DOCK1: variants seen among roughly 807,000 people sequenced by gnomAD.
DOCK1 encodes dedicator of cytokinesis protein 1.
A neutral mutation model predicts 262.7 loss-of-function variants in DOCK1; 138 were observed. That is an observed-to-expected ratio of 0.53 (90% CI 0.46 to 0.61). The LOEUF (loss-of-function observed/expected upper bound fraction) is 0.61. Ranked by LOEUF, DOCK1 falls within the 20% of genes least tolerant of loss-of-function variation. The pLI, the probability that DOCK1 is intolerant of heterozygous loss-of-function variation, is 0.00. For missense variants in DOCK1, 1,908 were observed against 2,370.7 expected (o/e 0.80, Z 4.05); for synonymous variants, 866 against 867.4 (o/e 1.00, Z 0.03).
intron 28 of DOCK1, 148 bp from the exon 29 acceptor site, chr10:127,257,187 C>G (rs1324305912): frequency 3.1e-6 from 2 of 643,808 alleles, no homozygotes; most frequent in African/African-American, 3.6e-5. Context: ...GTCTAATTCA[C>G]AGCTCCTATG....
rs764748949 is a variant in DOCK1, at chr10:127,175,897, C to A, written c.2847+48133C>A. On this transcript the variant is annotated intron_variant, in intron 27 of 51. Transcript: ENST00000623213. This position sits in a 1 kb window ranked among gnomAD's most constrained non-coding sequence, Gnocchi z 6.3. ...AAAACCAAGGCTGTGGTCTTGTGCA[C>A]CCGCCCCGCGCCACATGGCCGGGCC... 1.2e-6 allele frequency: 2 copies of A among 1,614,084 alleles called. No individual in the cohort carries two copies. The highest frequency in any genetic ancestry group is 2.7e-5 in the African/African-American group (2 of 74,936).
intron 31 of DOCK1, chr10:127,344,203 T>A (rs1408006139): frequency 6.5e-6 from 1 of 154,712 alleles, no homozygotes; most frequent in Non-Finnish European, 1.4e-5. Flanking sequence ...GGGCAGGAGC[T>A]TTGAATGGAC....
At chr10:127,448,967 T>A (rs746569269) in intron 51 of DOCK1, among the ~76,000 whole-genome samples, 3 of 152,152 alleles carry the variant, frequency 2.0e-5, no homozygotes, top group Non-Finnish European at 4.4e-5. Context: ...ACGTATTTCA[T>A]CATTCCCTTT....
At chr10:127,434,476 C>T in intron 48 of DOCK1, among the ~76,000 whole-genome samples, 1 of 152,236 alleles carries the variant, frequency 6.6e-6, no homozygotes, top group African/African-American at 2.4e-5. Flanking sequence ...GGTGGCATTG[C>T]GTACGTTCAC....
rs1450672394 is a variant in DOCK1, at chr10:127,175,485, G to A, written c.2847+47721G>A. The stretch of plus-strand genomic sequence containing the variant: ...CTGCATCGGGGGTGAGCAGGCCAGG[G>A]CAGTTTCCGAGGGCGCCTGGAGCCC... On this transcript the variant is annotated intron_variant, in intron 27 of 51. Transcript: ENST00000623213. This position sits in a 1 kb window ranked among gnomAD's most constrained non-coding sequence, Gnocchi z 6.3. 1 of 1,609,014 alleles carries A rather than the reference G, an allele frequency of 6.2e-7. No individual in the cohort carries two copies. Among genetic ancestry groups the A allele is most frequent in the East Asian group, 2.2e-5 (1 of 44,866 alleles).
At chr10:127,226,793 C>T (rs908778466) in intron 27 of DOCK1, among the ~76,000 whole-genome samples, 1 of 151,958 alleles carries the variant, frequency 6.6e-6, no homozygotes, top group African/African-American at 2.4e-5. Flanking sequence ...GGGTGGGGCT[C>T]CTGATGCCTT....
intron 29 of DOCK1, among the ~76,000 whole-genome samples, chr10:127,302,240 C>T (rs909683372): frequency 6.6e-6 from 1 of 152,082 alleles, no homozygotes; most frequent in African/African-American, 2.4e-5. Flanking sequence ...GGGTGTCTGT[C>T]CCCTAACTCT....
At chr10:127,126,465 T>C (rs2049968536) in intron 26 of DOCK1, among the ~76,000 whole-genome samples, 1 of 152,100 alleles carries the variant, frequency 6.6e-6, no homozygotes, top group Non-Finnish European at 1.5e-5. Flanking sequence ...GCGAAGTAGC[T>C]CACGCCTGTA....
At chr10:127,382,979 C>G (rs2065904132) in intron 37 of DOCK1, among the ~76,000 whole-genome samples, 1 of 152,180 alleles carries the variant, frequency 6.6e-6, no homozygotes, top group Non-Finnish European at 1.5e-5. Flanking sequence ...TACATAATCT[C>G]TCTCCATATC....
intron 28 of DOCK1, among the ~76,000 whole-genome samples, chr10:127,254,489 C>T (rs757760002): frequency 2.0e-5 from 3 of 152,188 alleles, no homozygotes; most frequent in Admixed American, 6.5e-5. Flanking sequence ...GGAAGTAACA[C>T]AGGAAGTGGG....
At chr10:127,420,423 C>T (rs970880357) in intron 46 of DOCK1, among the ~76,000 whole-genome samples, 1 of 152,146 alleles carries the variant, frequency 6.6e-6, no homozygotes, top group African/African-American at 2.4e-5. Flanking sequence ...AAGAGCTTGG[C>T]CGGCACCAGC....
intron 28 of DOCK1, among the ~76,000 whole-genome samples, chr10:127,256,552 T>A (rs1282418322): frequency 6.6e-6 from 1 of 152,140 alleles, no homozygotes; most frequent in Non-Finnish European, 1.5e-5. Flanking sequence ...TTTGTTCAGG[T>A]TAGCTCAGAG....
At chr10:127,267,822 A>G (rs1184256703) in intron 29 of DOCK1, among the ~76,000 whole-genome samples, 2 of 152,090 alleles carry the variant, frequency 1.3e-5, no homozygotes, top group East Asian at 3.9e-4. Context: ...CTAAGTTTTA[A>G]CCTCCTGTGC....
intron 29 of DOCK1, among the ~76,000 whole-genome samples, chr10:127,269,141 A>C (rs2060476013): frequency 6.6e-6 from 1 of 152,204 alleles, no homozygotes. Flanking sequence ...CTTCACCCGT[A>C]AATTAGAGAC....
chr10:127,156,278 A>C (rs754392597), intron 27 of DOCK1, among the ~76,000 whole-genome samples: 40 of 152,220 alleles, frequency 2.6e-4, no homozygotes, highest in Non-Finnish European at 4.4e-4. Flanking sequence ...ATACAGTCAC[A>C]CTTCAGGTCC....
At chr10:126,943,339 G>T (rs960541189) in intron 1 of DOCK1, among the ~76,000 whole-genome samples, 2 of 152,166 alleles carry the variant, frequency 1.3e-5, no homozygotes, top group East Asian at 3.8e-4. Flanking sequence ...TTTTTCTGAG[G>T]TCAAGAGAGT....
chr10:127,093,989 C>T (rs1158677148), intron 23 of DOCK1, among the ~76,000 whole-genome samples: 1 of 152,052 alleles, frequency 6.6e-6, no homozygotes, highest in African/African-American at 2.4e-5. Flanking sequence ...CTCCCTTTTA[C>T]AATGACCCAG....
chr10:127,434,061 T>C (rs1049308345), intron 48 of DOCK1, among the ~76,000 whole-genome samples: 1 of 151,986 alleles, frequency 6.6e-6, no homozygotes, highest in Non-Finnish European at 1.5e-5. Flanking sequence ...GGTCTGACCA[T>C]GACACAACCT....
At chr10:127,164,332 C>T (rs961380443) in intron 27 of DOCK1, among the ~76,000 whole-genome samples, 4 of 151,642 alleles carry the variant, frequency 2.6e-5, no homozygotes, top group South Asian at 2.1e-4. Flanking sequence ...TACAGGTGCC[C>T]GCCACCACAC....
Sources: gnomAD v4.1 joint callset for allele counts (sites outside exome capture counted in the v4.1 genomes callset) on GRCh38, gnomAD v4.1.1 for gene constraint, Gnocchi (gnomAD v3.1) non-coding constraint, MANE v1.5 for transcripts, NCBI Gene and HGNC (gene_info 2026-07-23, HGNC 2026-07-21) for gene names.